Variants in PNKD observed in about 807,000 individuals in gnomAD.
PNKD encodes PNKD metallo-beta-lactamase domain containing.
In PNKD, 36 loss-of-function variants were observed where a neutral mutation model predicts 45.3. That is an observed-to-expected ratio of 0.80 (90% CI 0.61 to 1.05). The LOEUF is 1.05. PNKD is among the 50% of genes least tolerant of loss of function. The pLI, the probability that PNKD is intolerant of heterozygous loss-of-function variation, is 0.00. For missense variants in PNKD, 511 were observed against 506.6 expected (o/e 1.01, Z -0.08); for synonymous variants, 197 against 210.1 (o/e 0.94, Z 0.54).
At chr2:218,292,646 G>A (rs1283989001) in intron 2 of PNKD, 1 of 152,118 alleles carries the variant, frequency 6.6e-6, no homozygotes, top group African/African-American at 2.4e-5. Flanking sequence ...GCCTCTCAGA[G>A]CCCCGACGAC....
intron 2 of PNKD, among the ~76,000 whole-genome samples, chr2:218,297,643 C>A (rs550924891): frequency 5.3e-4 from 77 of 146,554 alleles, no homozygotes; most frequent in African/African-American, 1.7e-3. Context: ...CGAGATCATG[C>A]CACTGCTCTC....
chr2:218,344,660 C>T lies in PNKD; in HGVS notation c.984+90C>T, dbSNP rs1694778018. The T allele has an allele frequency of 5.0e-6, 7 of 1,389,962 alleles. No individual in the cohort carries two copies. In the South Asian group the frequency reaches 7.0e-5, roughly 14 times the overall value. The allele number at this position is 1,389,962 out of a possible 1,614,324, so 86.1% of individuals were successfully genotyped here. ...CATGCTGACCCCAGGCCTGCGAGCA[C>T]CTCCCCAAAACTCTGACCTCTTTGG... On this transcript the variant is annotated intron_variant, in intron 9 of 9. Transcript: ENST00000273077.
intron 8 of PNKD, among the ~76,000 whole-genome samples, chr2:218,344,041 G>A (rs977186532): frequency 1.8e-4 from 28 of 152,118 alleles, no homozygotes; most frequent in Admixed American, 1.5e-3. Context: ...TACTTTATGT[G>A]CACCTAACAC....
At chr2:218,308,338 G>A (rs149237388) in intron 2 of PNKD, among the ~76,000 whole-genome samples, 47 of 150,296 alleles carry the variant, frequency 3.1e-4, no homozygotes, top group East Asian at 1.8e-3. Flanking sequence ...TCAGGCACCC[G>A]CCACTACACC....
In PNKD at chr2:218,282,747, G is replaced by A. The variant is rs371398209; in HGVS notation, c.236+11198G>A. Among the ~76,000 whole-genome samples the A allele has an allele frequency of 2.0e-4, 30 of 152,322 alleles. No homozygotes were observed. The East Asian group carries it at 3.1e-3, about 16-fold the overall frequency. ...CCCAGTGCCAGAGCTGCCAGGCCCC[G>A]AGGAGGAAGGGATCCAGGGACCCGG... On this transcript the variant is annotated intron_variant, in intron 2 of 9. Transcript: ENST00000273077.
At chr2:218,316,730 A>G (rs1415632923) in intron 2 of PNKD, 2 of 152,274 alleles carry the variant, frequency 1.3e-5, no homozygotes, top group East Asian at 3.8e-4. Context: ...TTGGAATAAC[A>G]ACTGCAGATG....
At chr2:218,293,388 G>C (rs1693045292) in intron 2 of PNKD, among the ~76,000 whole-genome samples, 1 of 152,190 alleles carries the variant, frequency 6.6e-6, no homozygotes, top group Non-Finnish European at 1.5e-5. Flanking sequence ...TGGAGACCCA[G>C]CCTAGGCAAC....
At chr2:218,320,903 T>C (rs1316480560) in intron 2 of PNKD, among the ~76,000 whole-genome samples, 1 of 152,200 alleles carries the variant, frequency 6.6e-6, no homozygotes. Context: ...TAAAGCCCAC[T>C]TGCAGCAGAC....
Position 218,270,573 on chromosome 2 carries a change from G to A in PNKD, c.38G>A (p.Arg13Gln). ...GTAGCTGCTACGGCGCTGAAGGGCC[G>A]GGGGGCGAGAAATGCCCGCGTCCTC... Reference protein sequence around the residue: ...AVVAATALKGRGARNARVLRG... With the variant: ...AVVAATALKGQGARNARVLRG... Residue 13 changes from arginine (R) to glutamine (Q), a missense_variant, in exon 1 of 10, where the codon CGG (arginine) becomes CAG (glutamine). Transcript: ENST00000273077. The A allele has an allele frequency of 4.2e-6, 5 of 1,189,802 alleles. No homozygotes were observed. Among genetic ancestry groups the A allele is most frequent in the Non-Finnish European group, 5.4e-6 (5 of 920,288 alleles). The allele number at this position is 1,189,802 out of a possible 1,614,324, so 73.7% of individuals were successfully genotyped here. A position where few individuals can be genotyped will look rare whatever the true frequency, so the allele number is the denominator to read the frequency against.
At chr2:218,296,620 A>G (rs750146598) in intron 2 of PNKD, among the ~76,000 whole-genome samples, 1 of 152,138 alleles carries the variant, frequency 6.6e-6, no homozygotes, top group Admixed American at 6.5e-5. Context: ...TACTCTACCC[A>G]TGCATTGATC....
chr2:218,299,674 A>C (rs1231762969), intron 2 of PNKD, among the ~76,000 whole-genome samples: 2 of 149,208 alleles, frequency 1.3e-5, no homozygotes, highest in African/African-American at 5.0e-5. Flanking sequence ...TCTGGAGTGC[A>C]ATGGTGCCAT....
chr2:218,336,482 G>A (rs1314947191), intron 2 of PNKD, among the ~76,000 whole-genome samples: 1 of 152,094 alleles, frequency 6.6e-6, no homozygotes, highest in Admixed American at 6.6e-5. Flanking sequence ...ATACATGGAT[G>A]TGTATTTAGT....
intron 2 of PNKD, chr2:218,272,584 CTT>C (rs1559496570): frequency 6.2e-7 from 1 of 1,614,054 alleles, no homozygotes; most frequent in Admixed American, 1.7e-5. Flanking sequence ...ATCGGCTTCC[CTT>C]GTGGTATCCT....
chr2:218,340,149 G>A lies in PNKD; in HGVS notation c.465+8G>A. On this transcript the variant is annotated splice_region_variant and intron_variant, in intron 4 of 9. Coordinates refer to ENST00000273077, the MANE Select transcript of PNKD (RefSeq NM_015488.5). The surrounding 1 kb of genome is among the most constrained non-coding windows in gnomAD (Gnocchi z 4.2). ...GACCCTCGGGCTGTGCAGGTGAGGG[G>A]AGGGCAGGGAGCAGGGGGTGCCTGG... 8 of 1,574,346 alleles carry A rather than the reference G, an allele frequency of 5.1e-6. No homozygotes were observed. Among genetic ancestry groups the A allele is most frequent in the Non-Finnish European group, 6.1e-6 (7 of 1,144,584 alleles).
rs1574629302 is a variant in PNKD at position 218,277,533 on chromosome 2, C to T, written c.236+5984C>T. ...TCAAAATCACCACTTCCAGAGGGGA[C>T]CTGCCCAGAATCCACCCACGCAGCT... On this transcript the variant is annotated intron_variant, in intron 2 of 9. Coordinates refer to ENST00000273077, the MANE Select transcript of PNKD (RefSeq NM_015488.5). 3.1e-6 allele frequency: 5 copies of T among 1,606,538 alleles called. No homozygotes were observed. In the East Asian group the frequency reaches 8.9e-5, roughly 29 times the overall value.
In PNKD at chr2:218,343,553, C is replaced by CT. The variant is rs767627443; in HGVS notation, c.836dup (p.Leu281AlafsTer4). The CT allele has an allele frequency of 2.5e-6, 4 of 1,613,570 alleles. No individual in the cohort carries two copies. The highest frequency in any genetic ancestry group is 2.5e-6 in the Non-Finnish European group (3 of 1,179,772). The stretch of plus-strand genomic sequence containing the variant: ...CATGCTGAGCTCACTGGACACTGTG[C>CT]TGGGGCTAGGGGATGACACCCTTCT... On this transcript the variant is annotated frameshift_variant, in exon 8 of 10. Coordinates refer to ENST00000273077, the MANE Select transcript of PNKD (RefSeq NM_015488.5). LOFTEE classifies it high-confidence loss of function.
intron 2 of PNKD, among the ~76,000 whole-genome samples, chr2:218,337,400 C>G (rs1694529686): frequency 6.6e-6 from 1 of 152,120 alleles, no homozygotes; most frequent in African/African-American, 2.4e-5. Flanking sequence ...GCACATTCTG[C>G]CAGCACTGTT....
At chr2:218,272,761 G>A (rs753102678) in intron 2 of PNKD, 3 of 1,614,008 alleles carry the variant, frequency 1.9e-6, no homozygotes, top group South Asian at 1.1e-5. Flanking sequence ...GTGCAGACCT[G>A]AGGAGCGCTG....
chr2:218,311,085 G>T (rs1051715211), intron 2 of PNKD, among the ~76,000 whole-genome samples: 15 of 152,246 alleles, frequency 9.9e-5, no homozygotes, highest in Non-Finnish European at 2.2e-4. Context: ...ACATCTCTCA[G>T]AATGTATTCC....
Sources: allele counts gnomAD v4.1 joint callset (sites outside exome capture counted in the v4.1 genomes callset), GRCh38; gene constraint gnomAD v4.1.1; non-coding constraint Gnocchi (gnomAD v3.1); transcripts MANE v1.5; gene names NCBI Gene and HGNC (gene_info 2026-07-23, HGNC 2026-07-21).